Variants in AADAT observed in about 807,000 individuals in gnomAD.
AADAT encodes aminoadipate aminotransferase, also known as kynurenine/alpha-aminoadipate aminotransferase, mitochondrial.
In AADAT, 25 loss-of-function variants were observed where a neutral mutation model predicts 56.2. The observed-to-expected ratio is 0.44, with a 90% CI of 0.32 to 0.62. The LOEUF is 0.62. Ranked by LOEUF, AADAT falls within the 20% of genes least tolerant of loss-of-function variation. The probability of loss-of-function intolerance (pLI) is 0.04; values close to 1 mark genes in which losing one functional copy is unlikely to be tolerated. For missense variants in AADAT, 387 were observed against 510.5 expected, an observed-to-expected ratio of 0.76 and a Z score of 2.33; for synonymous variants, 173 against 164.7, an observed-to-expected ratio of 1.05 and a Z score of -0.39.
Position 170,088,977 on chromosome 4 carries a change from C to A in AADAT, c.68-413G>T, listed in dbSNP as rs542649249. 1.4e-4 allele frequency among the ~76,000 whole-genome samples: 22 copies of A among 152,286 alleles called. 2 individuals are homozygous for A. The South Asian group carries it at 4.6e-3, about 32-fold the overall frequency. On this transcript the variant is annotated intron_variant, in intron 1 of 12. Transcript: ENST00000337664. Reference sequence around the variant, plus strand: ...TGCTGGCACTTTGATCTTAGACTTCCTAGCTTCCAGAACTGTGAGAAATAA... The same window carrying A: ...TGCTGGCACTTTGATCTTAGACTTCATAGCTTCCAGAACTGTGAGAAATAA...
At chr4:170,062,485 A>T (rs1361241218) in intron 11 of AADAT, among the ~76,000 whole-genome samples, 3 of 152,214 alleles carry the variant, frequency 2.0e-5, no homozygotes. Context: ...ATGGGAAGAA[A>T]ATTGCTGCAT....
At position 170,069,233 on chromosome 4, in the gene AADAT, T is replaced by C. The variant is rs1731640315; in HGVS notation, c.721-3A>G. On this transcript the variant is annotated splice_polypyrimidine_tract_variant and splice_region_variant and intron_variant, in intron 6 of 12. Coordinates refer to ENST00000337664, the MANE Select transcript of AADAT (RefSeq NM_016228.4). Reference sequence around the variant, plus strand: ...GAAAGAAATGTTGGTACCCTGAACTTAAAATGAAAAATAAAAAATACTGTT... The same window carrying C: ...GAAAGAAATGTTGGTACCCTGAACTCAAAATGAAAAATAAAAAATACTGTT... The C allele has an allele frequency of 6.2e-7, 1 of 1,612,542 alleles. No individual in the cohort carries two copies. The highest frequency in any genetic ancestry group is 8.5e-7 in the Non-Finnish European group (1 of 1,179,042).
At chr4:170,083,102 C>T (rs1732392440) in intron 3 of AADAT, among the ~76,000 whole-genome samples, 1 of 151,076 alleles carries the variant, frequency 6.6e-6, no homozygotes, top group African/African-American at 2.4e-5. Flanking sequence ...TTCTTTTCAT[C>T]AGCACAATGA....
At chr4:170,062,095 A>G (rs1731221178) in intron 11 of AADAT, 102 bp from the exon 12 acceptor site, 1 of 668,000 alleles carries the variant, frequency 1.5e-6, no homozygotes. Flanking sequence ...TTTTAAGTTT[A>G]AAAGCAGTTA....
At chr4:170,069,747 A>G (rs1731669114) in intron 6 of AADAT, among the ~76,000 whole-genome samples, 1 of 152,202 alleles carries the variant, frequency 6.6e-6, no homozygotes, top group African/African-American at 2.4e-5. Context: ...CAAATGAGAA[A>G]GGAAATTTGC....
intron 5 of AADAT, among the ~76,000 whole-genome samples, chr4:170,071,304 G>A (rs1442763454): frequency 2.0e-5 from 3 of 152,178 alleles, no homozygotes; most frequent in Non-Finnish European, 4.4e-5. Flanking sequence ...CACTGAGAAG[G>A]CCTTCCAGAC....
In AADAT at chr4:170,068,584, T is replaced by C. The variant is rs750513609; in HGVS notation, c.900+7A>G. 1.0e-5 allele frequency: 16 copies of C among 1,579,622 alleles called. No individual in the cohort carries two copies. The South Asian group carries it at 1.9e-4, about 19-fold the overall frequency. ...AAAAAAAAATCGATTTCCTAAATTG[T>C]CCTTACCTGGTTAAAAGTGCTGGGG... On this transcript the variant is annotated splice_region_variant and intron_variant, in intron 8 of 12. Transcript: ENST00000337664.
At chr4:170,090,562 GTC>G (rs1732784044), upstream of AADAT, 1 of 152,146 alleles carries the variant, frequency 6.6e-6, no homozygotes, top group Non-Finnish European at 1.5e-5. Flanking sequence ...ATCACTCTGA[GTC>G]TCTTCAATTT....
rs776284073 is a variant in AADAT, at chr4:170,060,631, T to C, written c.*297A>G. 30 of 245,846 alleles carry C rather than the reference T, an allele frequency of 1.2e-4. No individual in the cohort carries two copies. The highest frequency in any genetic ancestry group is 1.8e-4 in the Non-Finnish European group (23 of 130,088). The allele number at this position is 245,846 out of a possible 1,614,324, so 15.2% of individuals were successfully genotyped here. On this transcript the variant is annotated 3_prime_UTR_variant, in exon 13 of 13. Coordinates refer to ENST00000337664, the MANE Select transcript of AADAT (RefSeq NM_016228.4). ...TAGTTGAACTACTACAGATAGGACA[T>C]GTTTGAGGAAATTTAATCTTTAAGT...
upstream of AADAT, chr4:170,089,991 C>A (rs371789367): frequency 3.8e-5 from 7 of 185,334 alleles, no homozygotes; most frequent in South Asian, 5.7e-4. Flanking sequence ...TTTGCCCCGC[C>A]GCGGGCCTCG....
At chr4:170,087,329 C>G in intron 2 of AADAT, 81 bp from the exon 3 acceptor site, 2 of 1,332,996 alleles carry the variant, frequency 1.5e-6, no homozygotes, top group African/African-American at 3.0e-5. Context: ...TAAATGACAG[C>G]TTTATCAAGC....
chr4:170,067,745 C>G (rs115198870), intron 8 of AADAT, among the ~76,000 whole-genome samples: 1 of 152,114 alleles, frequency 6.6e-6, no homozygotes, highest in Non-Finnish European at 1.5e-5. Flanking sequence ...AGCTCCTGAC[C>G]CGCGCTGTTA....
At chr4:170,089,269 C>G in intron 1 of AADAT, 1 of 496,132 alleles carries the variant, frequency 2.0e-6, no homozygotes, top group South Asian at 1.6e-5. Flanking sequence ...ACCTGGCCCT[C>G]TCCACTGTAC....
At chr4:170,073,046 G>T in intron 5 of AADAT, 90 bp downstream of exon 5, 1 of 1,218,946 alleles carries the variant, frequency 8.2e-7, no homozygotes, top group East Asian at 2.4e-5. Flanking sequence ...AAAGCAAAAG[G>T]CTAAGAAGAA....
At chr4:170,085,642 T>C (rs1732523869) in intron 3 of AADAT, among the ~76,000 whole-genome samples, 1 of 152,226 alleles carries the variant, frequency 6.6e-6, no homozygotes, top group African/African-American at 2.4e-5. Context: ...TATCCTTTCT[T>C]GAGGAAAGAA....
chr4:170,070,105 C>CG (rs1561014282), intron 6 of AADAT, among the ~76,000 whole-genome samples: 1 of 152,000 alleles, frequency 6.6e-6, no homozygotes, highest in African/African-American at 2.4e-5. Context: ...TTGTGTCCAT[C>CG]GGGGATGCTG....
rs559132823 is a variant in AADAT at position 170,061,689 on chromosome 4, C to T, written c.1236+203G>A. On this transcript the variant is annotated intron_variant, in intron 12 of 12. Coordinates refer to ENST00000337664, the MANE Select transcript of AADAT (RefSeq NM_016228.4). ...TATTCATGCAGACAATAAATTTTAA[C>T]TCCAATTTAGTCTCATTTCTATAGA... Among the ~76,000 whole-genome samples the T allele has an allele frequency of 1.1e-3, 175 of 152,320 alleles. 1 individual carries two copies. Among genetic ancestry groups the T allele is most frequent in the African/African-American group, 4.1e-3 (170 of 41,570 alleles).
chr4:170,071,868 G>A (rs999627520), intron 5 of AADAT, among the ~76,000 whole-genome samples: 1 of 152,130 alleles, frequency 6.6e-6, no homozygotes, highest in Non-Finnish European at 1.5e-5. Context: ...AGGAGGGAAC[G>A]ACAGGAATAA....
At chr4:170,071,424 G>A (rs1731755481) in intron 5 of AADAT, among the ~76,000 whole-genome samples, 3 of 152,172 alleles carry the variant, frequency 2.0e-5, no homozygotes, top group South Asian at 2.1e-4. Context: ...TAAGCAAAAC[G>A]CTTGACATGT....
Sources: gnomAD v4.1 joint callset for allele counts (sites outside exome capture counted in the v4.1 genomes callset) on GRCh38, gnomAD v4.1.1 for gene constraint, MANE v1.5 for transcripts, NCBI Gene and HGNC (gene_info 2026-07-23, HGNC 2026-07-21) for gene names.